Variants in CLDN19 observed in about 807,000 individuals in gnomAD.
CLDN19 encodes claudin 19.
CLDN19 carries 19 observed loss-of-function variants against 24.5 expected under a neutral mutation model. The ratio of observed to expected loss-of-function variants is 0.78; its 90% CI spans 0.54 to 1.14. The LOEUF (loss-of-function observed/expected upper bound fraction) is 1.14. Ranked by LOEUF, CLDN19 falls within the 50% of genes most tolerant of loss-of-function variation. The probability of loss-of-function intolerance (pLI) is 0.00; values close to 1 mark genes in which losing one functional copy is unlikely to be tolerated. For synonymous variants in CLDN19, 117 were observed against 129.6 expected (o/e 0.90, Z 0.66); for missense variants, 250 against 295.9 (o/e 0.84, Z 1.14).
chr1:42,733,137 C>T lies in CLDN19; in HGVS notation c.*1949G>A, dbSNP rs1291746752. On this transcript the variant is annotated 3_prime_UTR_variant, in exon 5 of 5. Coordinates refer to ENST00000296387, the MANE Select transcript of CLDN19 (RefSeq NM_148960.3). ...TCATCCAGGATGGTGTGCAGTGGCACGATCTTGGCTGACTGCAACCTCCAC... is the reference window on the plus strand; with the variant it reads ...TCATCCAGGATGGTGTGCAGTGGCATGATCTTGGCTGACTGCAACCTCCAC... 2.8e-5 allele frequency: 4 copies of T among 143,834 alleles called. No homozygotes were observed. Among genetic ancestry groups the T allele is most frequent in the Non-Finnish European group, 4.5e-5 (3 of 66,706 alleles). 8.9% of individuals were successfully genotyped at this position (143,834 alleles called of 1,614,324 possible). A position where few individuals can be genotyped will look rare whatever the true frequency, so the allele number is the denominator to read the frequency against.
In CLDN19 at chr1:42,734,911, C is replaced by T. The variant is rs1225012393; in HGVS notation, c.*175G>A. On this transcript the variant is annotated 3_prime_UTR_variant, in exon 5 of 5. Transcript: ENST00000296387. ...GACCTCTGTCTCCTCATCTTTCTGC[C>T]CAAGAGCCCCAGGGGTCAGCACTGA... The T allele has an allele frequency of 3.2e-6, 2 of 631,366 alleles. No homozygotes were observed. The highest frequency in any genetic ancestry group is 5.8e-6 in the Non-Finnish European group (2 of 346,926). 39.1% of individuals were successfully genotyped at this position (631,366 alleles called of 1,614,324 possible). A position where few individuals can be genotyped will look rare whatever the true frequency, so the allele number is the denominator to read the frequency against.
chr1:42,739,947 G>T lies in CLDN19; in HGVS notation c.117C>A (p.Ala39=). The T allele has an allele frequency of 6.2e-7, 1 of 1,608,224 alleles. No homozygotes were observed. The highest frequency in any genetic ancestry group is 8.5e-7 in the Non-Finnish European group (1 of 1,177,542). Residue 39 remains alanine, a synonymous_variant, in exon 1 of 5, where the codon GCC becomes GCA. Transcript: ENST00000296387. ...CATAGAGGCCCACGGCAGTGATGAT[G>T]GCGTCGCCTGCGTAGGAAGACTGCT... ...QWKQSSYAGD[A]IITAVGLYEG...
chr1:42,735,208 CCCGG>C lies in CLDN19; in HGVS notation c.627-78_627-75del, dbSNP rs989256170. The stretch of plus-strand genomic sequence containing the variant: ...CGGGGGCAGGGGCTGTGCATTCAGG[CCCGG>C]ACATGGGTACTGGCCAGCGTGGCCA... On this transcript the variant is annotated intron_variant, in intron 4 of 4. Coordinates refer to ENST00000296387, the MANE Select transcript of CLDN19 (RefSeq NM_148960.3). 1.1e-5 allele frequency: 18 copies of C among 1,601,182 alleles called. 1 individual carries two copies. In the Admixed American group the frequency reaches 3.1e-4, roughly 28 times the overall value.
chr1:42,737,525 G>A (rs1308883349), intron 3 of CLDN19, among the ~76,000 whole-genome samples: 1 of 152,244 alleles, frequency 6.6e-6, no homozygotes, highest in African/African-American at 2.4e-5. Flanking sequence ...CAGGGCCCGG[G>A]CACGGTGCCA....
At chr1:42,738,182 G>A (rs1651431767) in intron 3 of CLDN19, 47 bp downstream of exon 3, 1 of 1,434,060 alleles carries the variant, frequency 7.0e-7, no homozygotes, top group African/African-American at 1.4e-5. Context: ...ACAAAGGTCA[G>A]TGGCCCCAGA....
chr1:42,736,811 G>A (rs1474031386), intron 3 of CLDN19, among the ~76,000 whole-genome samples: 2 of 152,222 alleles, frequency 1.3e-5, no homozygotes, highest in Non-Finnish European at 2.9e-5. Context: ...CCCAGCACAG[G>A]GCCTGGCAGC....
At chr1:42,736,202 C>A (rs960635122) in intron 3 of CLDN19, among the ~76,000 whole-genome samples, 172 bp from the exon 4 acceptor site, 1 of 152,188 alleles carries the variant, frequency 6.6e-6, no homozygotes, top group African/African-American at 2.4e-5. Flanking sequence ...TCCCTCCCCC[C>A]CAGCCCAGAA....
chr1:42,735,866 G>GCTCAGACGTA lies in CLDN19; in HGVS notation c.626+2_626+11dup. 1 of 1,571,912 alleles carries GCTCAGACGTA rather than the reference G, an allele frequency of 6.4e-7. No homozygotes were observed. Among genetic ancestry groups the GCTCAGACGTA allele is most frequent in the Non-Finnish European group, 8.6e-7 (1 of 1,158,436 alleles). ...TGGGGGGCTGGCCAGGGCAGGCGGA[G>GCTCAGACGTA]CTCAGACGTACTCTCGGGCAGCAGC... On this transcript the variant is annotated intron_variant, in intron 4 of 4. Coordinates refer to ENST00000296387, the MANE Select transcript of CLDN19 (RefSeq NM_148960.3).
At position 42,734,889 on chromosome 1, in the gene CLDN19, C is replaced by T. The variant is rs762336108; in HGVS notation, c.*197G>A. On this transcript the variant is annotated 3_prime_UTR_variant, in exon 5 of 5. Transcript: ENST00000296387. ...ATGTGCTATGTAACCCACCCTGGAC[C>T]TCTGTCTCCTCATCTTTCTGCCCAA... 4.9e-6 allele frequency: 3 copies of T among 617,106 alleles called. No homozygotes were observed. The African/African-American group carries it at 5.6e-5, about 11-fold the overall frequency. 38.2% of individuals were successfully genotyped at this position (617,106 alleles called of 1,614,324 possible). A position where few individuals can be genotyped will look rare whatever the true frequency, so the allele number is the denominator to read the frequency against.
At chr1:42,737,465 C>T (rs753901362) in intron 3 of CLDN19, among the ~76,000 whole-genome samples, 32 of 152,232 alleles carry the variant, frequency 2.1e-4, no homozygotes, top group Admixed American at 6.5e-4. Context: ...CATCTCAGCC[C>T]TGCTGCCACC....
chr1:42,736,171 G>A, intron 3 of CLDN19, 141 bp from the exon 4 acceptor site: 3 of 626,622 alleles, frequency 4.8e-6, no homozygotes, highest in East Asian at 2.7e-5. Flanking sequence ...CAGATAAATT[G>A]AGGTGAATGC....
At chr1:42,737,312 T>C (rs572600178) in intron 3 of CLDN19, among the ~76,000 whole-genome samples, 12 of 152,370 alleles carry the variant, frequency 7.9e-5, no homozygotes, top group Admixed American at 7.8e-4. Flanking sequence ...CCCACCATTC[T>C]GCACATCACA....
intron 4 of CLDN19, chr1:42,735,419 G>T: frequency 7.0e-7 from 1 of 1,420,528 alleles, no homozygotes; most frequent in Non-Finnish European, 9.2e-7. Context: ...TGCCCTTGTG[G>T]GGTTGCTGTG....
Position 42,738,600 on chromosome 1 carries a change from A to T in CLDN19, c.224-15T>A, listed in dbSNP as rs371064371. 27 of 1,611,198 alleles carry T rather than the reference A, an allele frequency of 1.7e-5. No individual in the cohort carries two copies. The African/African-American group carries it at 3.3e-4, about 20-fold the overall frequency. On this transcript the variant is annotated splice_polypyrimidine_tract_variant and intron_variant, in intron 1 of 4. Coordinates refer to ENST00000296387, the MANE Select transcript of CLDN19 (RefSeq NM_148960.3). ...TTGGATGTGACCTAGGGTGGGCGGGATGACACTGAGTCGGGCTGGCGGGGA... is the reference window on the plus strand; with the variant it reads ...TTGGATGTGACCTAGGGTGGGCGGGTTGACACTGAGTCGGGCTGGCGGGGA...
chr1:42,738,639 G>A (rs988808797), intron 1 of CLDN19, 54 bp from the exon 2 acceptor site: 41 of 1,572,054 alleles, frequency 2.6e-5, no homozygotes, highest in Non-Finnish European at 2.9e-5. Flanking sequence ...GGGTTGGGTC[G>A]GTGCCTGGGG....
chr1:42,735,228 A>G lies in CLDN19; in HGVS notation c.627-94T>C, dbSNP rs553575963. 1.5e-4 allele frequency: 241 copies of G among 1,583,906 alleles called. No individual in the cohort carries two copies. The African/African-American group carries it at 2.9e-3, about 19-fold the overall frequency. ...TCAGGCCCGGACATGGGTACTGGCC[A>G]GCGTGGCCAGACCTTGGCCCTCACA... On this transcript the variant is annotated intron_variant, in intron 4 of 4. Coordinates refer to ENST00000296387, the MANE Select transcript of CLDN19 (RefSeq NM_148960.3).
At position 42,739,959 on chromosome 1, in the gene CLDN19, G is replaced by A. The variant is rs760544476; in HGVS notation, c.105C>T (p.Tyr35=). The change falls in exon 1 of 5, where the codon TAC becomes TAT. Residue 35 remains tyrosine, a synonymous_variant. Coordinates refer to ENST00000296387, the MANE Select transcript of CLDN19 (RefSeq NM_148960.3). The part of the protein sequence containing the change: ...TALPQWKQSS[Y]AGDAIITAVG... The stretch of plus-strand genomic sequence containing the variant: ...CGGCAGTGATGATGGCGTCGCCTGC[G>A]TAGGAAGACTGCTTCCACTGTGGCA... 106 of 1,603,534 alleles carry A rather than the reference G, an allele frequency of 6.6e-5. No individual in the cohort carries two copies. The Admixed American group carries it at 7.0e-4, about 11-fold the overall frequency.
Position 42,735,904 on chromosome 1 carries a change from C to T in CLDN19, c.600G>A (p.Arg200=). The T allele has an allele frequency of 1.9e-6, 3 of 1,580,450 alleles. No individual in the cohort carries two copies. The highest frequency in any genetic ancestry group is 2.3e-5 in the South Asian group (2 of 86,342). ...CTCGGGCAGCAGCAGAGGGTCCAGG[C>T]CGATAGGGCTGTGGGCTGCTGTTGG... ...ERPNSSPQPY[R]PGPSAAAREP... The change falls in exon 4 of 5, where the codon CGG becomes CGA. Residue 200 remains arginine, a synonymous_variant. Coordinates refer to ENST00000296387, the MANE Select transcript of CLDN19 (RefSeq NM_148960.3).
rs576765383 is a variant in CLDN19, at chr1:42,738,217, C to T, written c.473+12G>A. 4 of 1,610,080 alleles carry T rather than the reference C, an allele frequency of 2.5e-6. No individual in the cohort carries two copies. The highest frequency in any genetic ancestry group is 4.5e-5 in the East Asian group (2 of 44,862). On this transcript the variant is annotated intron_variant, in intron 3 of 4. Transcript: ENST00000296387. ...AGGAGGTAAAGCAAAAGACCCAAGC[C>T]CTGGCACCCACCTGGCATTGACAGG...
Sources: allele counts gnomAD v4.1 joint callset (sites outside exome capture counted in the v4.1 genomes callset), GRCh38; gene constraint gnomAD v4.1.1; transcripts MANE v1.5; gene names NCBI Gene and HGNC (gene_info 2026-07-23, HGNC 2026-07-21).